The following TBC1D13 variants were observed in gnomAD, a reference collection of about 807,000 sequenced individuals.
The protein encoded by TBC1D13 is epididymis secretory sperm binding protein.
In TBC1D13, 40 loss-of-function variants were observed where a neutral mutation model predicts 53.6. The ratio of observed to expected loss-of-function variants is 0.75; its 90% CI spans 0.58 to 0.97. The LOEUF (loss-of-function observed/expected upper bound fraction) is 0.97, where lower values mean the gene tolerates loss of function less well. Among genes scored for constraint, TBC1D13 ranks in the 50% least tolerant of loss-of-function variants. The pLI, the probability that TBC1D13 is intolerant of heterozygous loss-of-function variation, is 0.00. For synonymous variants in TBC1D13, 182 were observed against 197.7 expected, an observed-to-expected ratio of 0.92 and a Z score of 0.67; for missense variants, 377 against 499.4, an observed-to-expected ratio of 0.75 and a Z score of 2.34.
rs371008743 is a variant in TBC1D13, at chr9:128,807,940, G to A, written c.*61G>A. The A allele has an allele frequency of 1.2e-5, 19 of 1,531,964 alleles. No individual in the cohort carries two copies. The highest frequency in any genetic ancestry group is 1.7e-4 in the Middle Eastern group (1 of 5,830). 94.9% of individuals were successfully genotyped at this position (1,531,964 alleles called of 1,614,324 possible). A position where few individuals can be genotyped will look rare whatever the true frequency, so the allele number is the denominator to read the frequency against. On this transcript the variant is annotated 3_prime_UTR_variant, in exon 12 of 12. Transcript: ENST00000372648. The stretch of plus-strand genomic sequence containing the variant: ...CTCCCGACCCTGTGCCCTGGCTCCC[G>A]GGACACATAGAAACCTGTAGGAACC...
intron 11 of TBC1D13, 47 bp downstream of exon 11, chr9:128,806,358 C>T (rs373471391): frequency 6.8e-6 from 11 of 1,610,066 alleles, no homozygotes; most frequent in African/African-American, 5.3e-5. Context: ...GAGGCTGGCA[C>T]TCGCCAGGCA....
chr9:128,810,091 C>T lies in TBC1D13; in HGVS notation c.*2212C>T, dbSNP rs757614077. 1.1e-4 allele frequency: 16 copies of T among 152,252 alleles called. No individual in the cohort carries two copies. The highest frequency in any genetic ancestry group is 1.8e-4 in the Non-Finnish European group (12 of 68,078). 9.4% of individuals were successfully genotyped at this position (152,252 alleles called of 1,614,324 possible). On this transcript the variant is annotated 3_prime_UTR_variant, in exon 12 of 12. Transcript: ENST00000372648. ...TTGGGTCAAGTGCCCTCTCCTTGAC[C>T]TTGAGATGAAGGTCAAGAGCACAGG...
intron 7 of TBC1D13, among the ~76,000 whole-genome samples, chr9:128,802,735 C>T (rs1057023762): frequency 7.8e-6 from 1 of 127,962 alleles, no homozygotes; most frequent in Non-Finnish European, 1.6e-5. Context: ...TTCACATTGT[C>T]CATTTTTTTT....
chr9:128,807,546 A>G (rs1176834673), intron 11 of TBC1D13, among the ~76,000 whole-genome samples: 2 of 152,190 alleles, frequency 1.3e-5, no homozygotes, highest in Non-Finnish European at 2.9e-5. Flanking sequence ...CAGTAGTGGG[A>G]GAGCTGAGGC....
At chr9:128,793,451 G>A (rs1449802089) in intron 6 of TBC1D13, among the ~76,000 whole-genome samples, 1 of 152,208 alleles carries the variant, frequency 6.6e-6, no homozygotes, top group East Asian at 1.9e-4. Flanking sequence ...GGGTGGAGTG[G>A]CCAAGGGCTT....
At chr9:128,806,087 C>T in intron 10 of TBC1D13, 68 bp downstream of exon 10, 2 of 1,588,268 alleles carry the variant, frequency 1.3e-6, no homozygotes, top group South Asian at 2.3e-5. Flanking sequence ...CAGGAGGACC[C>T]TCCGCCCCGA....
rs535818694 is a variant in TBC1D13, at chr9:128,810,097, A to T, written c.*2218A>T. The T allele has an allele frequency of 6.6e-6, 1 of 152,292 alleles. No homozygotes were observed. The highest frequency in any genetic ancestry group is 2.1e-4 in the South Asian group (1 of 4,818). 9.4% of individuals were successfully genotyped at this position (152,292 alleles called of 1,614,324 possible). A position where few individuals can be genotyped will look rare whatever the true frequency, so the allele number is the denominator to read the frequency against. On this transcript the variant is annotated 3_prime_UTR_variant, in exon 12 of 12. Transcript: ENST00000372648. ...CAAGTGCCCTCTCCTTGACCTTGAGATGAAGGTCAAGAGCACAGGGACCAG... is the reference window on the plus strand; with the variant it reads ...CAAGTGCCCTCTCCTTGACCTTGAGTTGAAGGTCAAGAGCACAGGGACCAG...
At chr9:128,801,696 A>G (rs1485250592) in intron 7 of TBC1D13, among the ~76,000 whole-genome samples, 1 of 151,552 alleles carries the variant, frequency 6.6e-6, no homozygotes, top group Admixed American at 6.6e-5. Context: ...CAAATAAAAG[A>G]AAGAAAAGTC....
rs34161473 is a variant in TBC1D13, at chr9:128,802,737, ATTT to A, written c.544-498_544-496del. Among the ~76,000 whole-genome samples, 301 of 137,430 alleles carry A rather than the reference ATTT, an allele frequency of 2.2e-3. 1 individual carries two copies. Among genetic ancestry groups the A allele is most frequent in the African/African-American group, 7.4e-3 (276 of 37,318 alleles). 90.2% of individuals were successfully genotyped at this position (137,430 alleles called of 152,430 possible). A position where few individuals can be genotyped will look rare whatever the true frequency, so the allele number is the denominator to read the frequency against. ...CACATTGTCCTCCTTCACATTGTCC[ATTT>A]TTTTTTTTTTTTTTGAGACAGTGTC... On this transcript the variant is annotated intron_variant, in intron 7 of 11. Coordinates refer to ENST00000372648, the MANE Select transcript of TBC1D13 (RefSeq NM_018201.5).
intron 7 of TBC1D13, among the ~76,000 whole-genome samples, chr9:128,801,177 A>C (rs1829726130): frequency 1.3e-5 from 2 of 150,182 alleles, no homozygotes; most frequent in African/African-American, 4.9e-5. Flanking sequence ...ATCTCAAAAA[A>C]AGAAGAAGGG....
Position 128,803,271 on chromosome 9 carries a change from T to C in TBC1D13, c.565T>C (p.Ser189Pro), listed in dbSNP as rs1195032954. 6.2e-7 allele frequency: 1 copy of C among 1,614,058 alleles called. No individual in the cohort carries two copies. The highest frequency in any genetic ancestry group is 1.3e-5 in the African/African-American group (1 of 74,918). ...CCAGATGAGCTCCCCACACAAGAAC[T>C]CTGTGCCATCATCCCTAAATGAGTA... ...VTNMSSPHKN[S>P]VPSSLNEYEV... Residue 189 changes from serine (S) to proline (P), a missense_variant, in exon 8 of 12, where the codon TCT becomes CCT. Ser to Pro is a moderately conservative substitution (Grantham distance 74). Transcript: ENST00000372648.
At chr9:128,798,147 G>A (rs942281026) in intron 7 of TBC1D13, among the ~76,000 whole-genome samples, 27 of 152,254 alleles carry the variant, frequency 1.8e-4, no homozygotes, top group Admixed American at 1.2e-3. Flanking sequence ...CAGCTACCCG[G>A]GAGGCTTAGG....
intron 9 of TBC1D13, among the ~76,000 whole-genome samples, chr9:128,804,850 T>A (rs1829803437): frequency 6.9e-6 from 1 of 145,546 alleles, no homozygotes; most frequent in Non-Finnish European, 1.5e-5. Context: ...TGCCTCAGCC[T>A]CCCCAGTAGC....
In TBC1D13 at chr9:128,803,961, G is replaced by A. The variant is rs1223934570; in HGVS notation, c.760G>A (p.Ala254Thr). 3.1e-6 allele frequency: 5 copies of A among 1,612,670 alleles called. No individual in the cohort carries two copies. Among genetic ancestry groups the A allele is most frequent in the African/African-American group, 2.7e-5 (2 of 74,886 alleles). ...TDPNSEWKEH[A>T]EADTFFCFTN... ...CCCATCCTGCTCTCTCCCAGAGCAC[G>A]CCGAGGCAGACACCTTTTTCTGCTT... Residue 254 changes from alanine to threonine, a missense_variant, in exon 9 of 12, where the codon GCC (alanine) becomes ACC (threonine). Transcript: ENST00000372648.
chr9:128,788,241 G>A, intron 1 of TBC1D13, 93 bp from the exon 2 acceptor site: 3 of 1,105,442 alleles, frequency 2.7e-6, no homozygotes, highest in Non-Finnish European at 4.1e-6. Context: ...AGAGGCACAG[G>A]TTGGAAACTG....
rs1005845736 is a variant in TBC1D13, at chr9:128,810,226, C to T, written c.*2347C>T. 25 of 152,220 alleles carry T rather than the reference C, an allele frequency of 1.6e-4. No individual in the cohort carries two copies. Among genetic ancestry groups the T allele is most frequent in the Admixed American group, 1.6e-3 (24 of 15,260 alleles). The allele number at this position is 152,220 out of a possible 1,614,324, so 9.4% of individuals were successfully genotyped here. On this transcript the variant is annotated 3_prime_UTR_variant, in exon 12 of 12. Transcript: ENST00000372648. ...TCAAGCAGATGCCCAAGGGAGGTCC[C>T]CACAGAGCCAGAGTGCCTGAGGCTT...
intron 2 of TBC1D13, among the ~76,000 whole-genome samples, chr9:128,790,505 C>T (rs1055504333): frequency 1.3e-5 from 2 of 152,126 alleles, no homozygotes; most frequent in Admixed American, 6.6e-5. Context: ...ACTCGGGAGG[C>T]GGAGGCTGCA....
At chr9:128,794,128 G>A (rs1408423110) in intron 6 of TBC1D13, among the ~76,000 whole-genome samples, 2 of 152,182 alleles carry the variant, frequency 1.3e-5, no homozygotes, top group Non-Finnish European at 2.9e-5. Flanking sequence ...AGAGGAGGAG[G>A]CAGCAAGCTG....
intron 6 of TBC1D13, among the ~76,000 whole-genome samples, chr9:128,793,542 C>T (rs1231488655): frequency 6.6e-6 from 1 of 152,146 alleles, no homozygotes; most frequent in African/African-American, 2.4e-5. Flanking sequence ...GTGACTCACA[C>T]CTTCTGATCA....
Sources: allele counts gnomAD v4.1 joint callset (sites outside exome capture counted in the v4.1 genomes callset), GRCh38; gene constraint gnomAD v4.1.1; transcripts MANE v1.5; gene names NCBI Gene and HGNC (gene_info 2026-07-23, HGNC 2026-07-21).